Variants in ITFG2 observed in about 807,000 individuals in gnomAD.
The protein encoded by ITFG2 is integrin alpha FG-GAP repeat containing 2.
A neutral mutation model predicts 54.4 loss-of-function variants in ITFG2; 36 were observed. The observed-to-expected ratio is 0.66, with a 90% CI of 0.51 to 0.87. The LOEUF is 0.87. ITFG2 is among the 40% of genes least tolerant of loss of function. ITFG2 has a pLI of 0.00. For missense variants in ITFG2, 524 were observed against 576.7 expected, an observed-to-expected ratio of 0.91 and a Z score of 0.94; for synonymous variants, 211 against 225.4, an observed-to-expected ratio of 0.94 and a Z score of 0.57.
chr12:2,858,533 C>T (rs898713926), intron 3 of ITFG2: 1 of 969,316 alleles, frequency 1.0e-6, no homozygotes, highest in Non-Finnish European at 1.5e-6. Context: ...CTATGAGGAG[C>T]AGAACAGTCC....
intron 1 of ITFG2, among the ~76,000 whole-genome samples, chr12:2,814,312 C>T (rs1298055164): frequency 1.3e-5 from 2 of 152,158 alleles, no homozygotes; most frequent in East Asian, 1.9e-4. Flanking sequence ...ATCTGATTGC[C>T]TTCTTTGTTT....
chr12:2,820,183 A>G lies in ITFG2; in HGVS notation c.504A>G (p.Thr168=). The G allele has an allele frequency of 6.2e-7, 1 of 1,613,416 alleles. No homozygotes were observed. Among genetic ancestry groups the G allele is most frequent in the East Asian group, 2.2e-5 (1 of 44,866 alleles). Residue 168 remains threonine (T), a synonymous_variant, in exon 5 of 12, where the codon ACA becomes ACG. Transcript: ENST00000228799. ...EELGEGPEHL[T]GQLVSLKKWM... ...TAGGTGAGGGTCCTGAACATCTGACAGGGCAGCTGGTGTCCCTCAAGAAAT... is the reference window on the plus strand; with the variant it reads ...TAGGTGAGGGTCCTGAACATCTGACGGGGCAGCTGGTGTCCCTCAAGAAAT...
At chr12:2,851,206 T>C (rs890808681) in intron 2 of ITFG2, among the ~76,000 whole-genome samples, 1 of 151,854 alleles carries the variant, frequency 6.6e-6, no homozygotes, top group African/African-American at 2.4e-5. Flanking sequence ...GGGCACTTAC[T>C]GTGATGGAGT....
At chr12:2,844,794 CACTG>C (rs2098049683) in intron 2 of ITFG2, among the ~76,000 whole-genome samples, 1 of 152,140 alleles carries the variant, frequency 6.6e-6, no homozygotes, top group African/African-American at 2.4e-5. Flanking sequence ...CTAAAGAAGT[CACTG>C]ACTATTGTTT....
chr12:2,827,583 T>A, downstream of ITFG2: 2 of 1,613,740 alleles, frequency 1.2e-6, no homozygotes, highest in Non-Finnish European at 1.7e-6. This position sits in a 1 kb window ranked among gnomAD's most constrained non-coding sequence, Gnocchi z 4.0. Context: ...TTCTACTACT[T>A]TTTCCCAGTG....
At chr12:2,813,602 A>G (rs958970183) in intron 1 of ITFG2, among the ~76,000 whole-genome samples, 1 of 152,168 alleles carries the variant, frequency 6.6e-6, no homozygotes, top group Non-Finnish European at 1.5e-5. Context: ...ATTAAAGGGA[A>G]TAGTGTCTGA....
At chr12:2,848,337 C>T (rs2098058948) in intron 2 of ITFG2, among the ~76,000 whole-genome samples, 1 of 152,186 alleles carries the variant, frequency 6.6e-6, no homozygotes, top group African/African-American at 2.4e-5. Flanking sequence ...CCATCACCCT[C>T]CCCAACCATC....
chr12:2,844,707 TC>T (rs1603486038), intron 2 of ITFG2, among the ~76,000 whole-genome samples: 1 of 152,240 alleles, frequency 6.6e-6, no homozygotes, highest in East Asian at 1.9e-4. Flanking sequence ...CCTGTATTTT[TC>T]CCTCCTCCTT....
At chr12:2,816,407 G>C (rs1024156375) in intron 1 of ITFG2, among the ~76,000 whole-genome samples, 12 of 146,612 alleles carry the variant, frequency 8.2e-5, no homozygotes, top group African/African-American at 2.8e-4. Context: ...TTGGCTCACT[G>C]CAAGCTCTGC....
At chr12:2,826,963 A>C, downstream of ITFG2, 1 of 1,331,454 alleles carries the variant, frequency 7.5e-7, no homozygotes, top group Non-Finnish European at 9.6e-7. Context: ...CTTGGGAGGA[A>C]GATGAATCAG....
chr12:2,853,914 C>A (rs1195792355), intron 2 of ITFG2, among the ~76,000 whole-genome samples: 1 of 152,198 alleles, frequency 6.6e-6, no homozygotes, highest in East Asian at 1.9e-4. Context: ...GGCTTTCCAC[C>A]CTTCCAGCCT....
In ITFG2 at chr12:2,816,475, G is replaced by A. The variant is rs1191393693; in HGVS notation, c.97-748G>A. Reference sequence around the variant, plus strand: ...CTCCCGAGTAGCTGGGACCACAGGCGCCCGCCACCATGCCCGGCTAATTTT... The same window carrying A: ...CTCCCGAGTAGCTGGGACCACAGGCACCCGCCACCATGCCCGGCTAATTTT... On this transcript the variant is annotated intron_variant, in intron 1 of 11. Coordinates refer to ENST00000228799, the MANE Select transcript of ITFG2 (RefSeq NM_018463.4). Among the ~76,000 whole-genome samples, 3 of 149,806 alleles carry A rather than the reference G, an allele frequency of 2.0e-5. No homozygotes were observed. The South Asian group carries it at 6.4e-4, about 32-fold the overall frequency.
At chr12:2,840,892 G>C (rs2098039521) in exon 2 of ITFG2, 1 of 152,598 alleles carries the variant, frequency 6.6e-6, no homozygotes, top group African/African-American at 2.4e-5. Flanking sequence ...AGCTGAGCTG[G>C]GCAGAGTGGC....
chr12:2,831,245 G>A (rs780528530), downstream of ITFG2, among the ~76,000 whole-genome samples: 4 of 151,230 alleles, frequency 2.6e-5, no homozygotes, highest in Non-Finnish European at 5.9e-5. Flanking sequence ...TCCTTCAATG[G>A]GCTTCAGATC....
intron 1 of ITFG2, among the ~76,000 whole-genome samples, chr12:2,816,319 C>A (rs2097921333): frequency 6.7e-6 from 1 of 149,746 alleles, no homozygotes; most frequent in Admixed American, 6.7e-5. Context: ...GCGTGAGTCA[C>A]CGCACACAGC....
chr12:2,827,222 T>G (rs1160811474), downstream of ITFG2: 1 of 1,614,136 alleles, frequency 6.2e-7, no homozygotes. The surrounding 1 kb of genome is among the most constrained non-coding windows in gnomAD (Gnocchi z 4.0). Flanking sequence ...GGCCAGGCTC[T>G]TGGTACAAAG....
At chr12:2,827,164 C>G, downstream of ITFG2, 1 of 1,613,366 alleles carries the variant, frequency 6.2e-7, no homozygotes, top group Non-Finnish European at 8.5e-7. This position sits in a 1 kb window ranked among gnomAD's most constrained non-coding sequence, Gnocchi z 4.0. Flanking sequence ...GCCTCTTCTT[C>G]TAAGGCAAGG....
chr12:2,830,896 C>T (rs74721358), downstream of ITFG2: 1 of 1,600,230 alleles, frequency 6.2e-7, no homozygotes, highest in Non-Finnish European at 8.5e-7. Context: ...GTAGGCAGTT[C>T]TAAACCCAGG....
Position 2,841,868 on chromosome 12 carries a change from G to A in ITFG2, n.300+873G>A, listed in dbSNP as rs911653385. ...CGAGTAGCTGGGACTACAGGCGCCC[G>A]CCACCACGCCCGGCTAATTTTTGTC... On this transcript the variant is annotated intron_variant and non_coding_transcript_variant, in intron 2 of 3. Transcript: ENST00000537710. Among the ~76,000 whole-genome samples, 15 of 151,130 alleles carry A rather than the reference G, an allele frequency of 9.9e-5. 1 individual carries two copies. Among genetic ancestry groups the A allele is most frequent in the Non-Finnish European group, 1.9e-4 (13 of 67,854 alleles).
Sources: gnomAD v4.1 joint callset for allele counts (sites outside exome capture counted in the v4.1 genomes callset) on GRCh38, gnomAD v4.1.1 for gene constraint, Gnocchi (gnomAD v3.1) non-coding constraint, MANE v1.5 for transcripts, NCBI Gene and HGNC (gene_info 2026-07-23, HGNC 2026-07-21) for gene names.